Variants in ARHGEF28 observed in about 807,000 individuals in gnomAD.
ARHGEF28 encodes the protein 190 kDa guanine nucleotide exchange factor.
Under a neutral mutation model 206.6 loss-of-function variants are expected in ARHGEF28, and 152 were observed. The ratio of observed to expected loss-of-function variants is 0.74; its 90% confidence interval spans 0.64 to 0.84. The LOEUF is 0.84. ARHGEF28 is among the 40% of genes least tolerant of loss of function. The pLI, the probability that ARHGEF28 is intolerant of heterozygous loss-of-function variation, is 0.00. For missense variants in ARHGEF28, 2,028 were observed against 2,073.2 expected (o/e 0.98, Z 0.42); for synonymous variants, 763 against 776.4 (o/e 0.98, Z 0.29).
intron 1 of ARHGEF28, among the ~76,000 whole-genome samples, chr5:73,647,041 A>G (rs1162973852): frequency 6.6e-6 from 1 of 152,196 alleles, no homozygotes; most frequent in Non-Finnish European, 1.5e-5. Flanking sequence ...CAACTCAGAC[A>G]TTGTATATAC....
intron 2 of ARHGEF28, among the ~76,000 whole-genome samples, chr5:73,686,852 T>C (rs1226772423): frequency 6.6e-6 from 1 of 152,098 alleles, no homozygotes; most frequent in African/African-American, 2.4e-5. Context: ...ATTAAAAAAA[T>C]GCTGATAAGA....
intron 4 of ARHGEF28, among the ~76,000 whole-genome samples, chr5:73,762,470 AAAAAAC>A: frequency 6.6e-6 from 1 of 151,372 alleles, no homozygotes; most frequent in Non-Finnish European, 1.5e-5. Flanking sequence ...AAAAAAAAAA[AAAAAAC>A]AAAACAACAA....
intron 7 of ARHGEF28, among the ~76,000 whole-genome samples, chr5:73,789,984 T>C (rs957038454): frequency 1.3e-5 from 2 of 152,194 alleles, no homozygotes; most frequent in Admixed American, 1.3e-4. Context: ...TCAAGACTGT[T>C]GGCCACAAAA....
At chr5:73,888,777 C>T (rs1352039535) in intron 26 of ARHGEF28, among the ~76,000 whole-genome samples, 1 of 152,084 alleles carries the variant, frequency 6.6e-6, no homozygotes, top group Non-Finnish European at 1.5e-5. Context: ...CTCATATGAC[C>T]TCCTGAGGCA....
At chr5:73,658,524 C>G (rs1745372496) in intron 1 of ARHGEF28, among the ~76,000 whole-genome samples, 1 of 152,126 alleles carries the variant, frequency 6.6e-6, no homozygotes. Flanking sequence ...GATGCAGAGC[C>G]AGAAAGGAAG....
chr5:73,764,070 C>G (rs1440099901), intron 4 of ARHGEF28, among the ~76,000 whole-genome samples: 2 of 152,174 alleles, frequency 1.3e-5, no homozygotes, highest in Non-Finnish European at 2.9e-5. Context: ...CTTGACAGCC[C>G]TGTCCCATTT....
intron 2 of ARHGEF28, among the ~76,000 whole-genome samples, chr5:73,694,206 C>T (rs1748035794): frequency 6.6e-6 from 1 of 152,198 alleles, no homozygotes. Flanking sequence ...ACTGTCACAA[C>T]TGAGATGATA....
At chr5:73,888,516 A>C (rs78677647) in intron 26 of ARHGEF28, among the ~76,000 whole-genome samples, 3,959 of 152,318 alleles carry the variant, frequency 0.026, 79 homozygotes, top group Non-Finnish European at 0.038. Context: ...TGGGATGGTG[A>C]GGGCCATGTA....
intron 29 of ARHGEF28, among the ~76,000 whole-genome samples, chr5:73,897,069 A>T (rs1761999505): frequency 1.3e-5 from 2 of 152,040 alleles, no homozygotes; most frequent in Admixed American, 6.5e-5. Flanking sequence ...CTGGGACTTC[A>T]CTCTGCTGGA....
chr5:73,738,482 C>CGTGTGT (rs59149035), intron 2 of ARHGEF28, among the ~76,000 whole-genome samples: 2,597 of 145,634 alleles, frequency 0.018, 66 homozygotes, highest in African/African-American at 0.055. Context: ...AGAGTGGCCT[C>CGTGTGT]GTGTGTGTGT....
intron 10 of ARHGEF28, among the ~76,000 whole-genome samples, chr5:73,834,542 C>CTCTGTGTGTGTGTGTGTGTG (rs1455818141): frequency 6.2e-5 from 9 of 146,324 alleles, no homozygotes; most frequent in African/African-American, 2.3e-4. Context: ...AATAATATTC[C>CTCTGTGTGTGTGTGTGTGTG]TGTGTGTGTG....
chr5:73,668,124 G>A (rs537170533), intron 1 of ARHGEF28, among the ~76,000 whole-genome samples: 137 of 152,018 alleles, frequency 9.0e-4, no homozygotes, highest in South Asian at 6.7e-3. Flanking sequence ...CTCCACTTAC[G>A]GCAATCTAGG....
At chr5:73,919,832 G>T (rs575853635) in intron 35 of ARHGEF28, among the ~76,000 whole-genome samples, 2 of 152,234 alleles carry the variant, frequency 1.3e-5, no homozygotes, top group African/African-American at 4.8e-5. Flanking sequence ...GTTCAGCATC[G>T]CCAGAAAGCA....
At chr5:73,683,739 G>A (rs1747258655) in intron 1 of ARHGEF28, among the ~76,000 whole-genome samples, 1 of 151,904 alleles carries the variant, frequency 6.6e-6, no homozygotes, top group Non-Finnish European at 1.5e-5. Context: ...GGCCCTCTGT[G>A]TAAGGGAGGC....
intron 35 of ARHGEF28, among the ~76,000 whole-genome samples, chr5:73,921,583 C>T (rs959326605): frequency 6.6e-6 from 1 of 152,118 alleles, no homozygotes. Context: ...GTTTCTGAGC[C>T]TTTTGCTGAA....
Position 73,636,411 on chromosome 5 carries a change from C to T in ARHGEF28, c.-12+10089C>T, listed in dbSNP as rs908428038. Among the ~76,000 whole-genome samples, 9 of 152,064 alleles carry T rather than the reference C, an allele frequency of 5.9e-5. No homozygotes were observed. The South Asian group carries it at 8.3e-4, about 14-fold the overall frequency. Reference sequence around the variant, plus strand: ...GGATATTGTTTATTAGAGGTTTTTTCGTATTAAAAATAAAGAGTAAGTTTT... The same window carrying T: ...GGATATTGTTTATTAGAGGTTTTTTTGTATTAAAAATAAAGAGTAAGTTTT... On this transcript the variant is annotated intron_variant, in intron 1 of 35. Coordinates refer to ENST00000513042, the MANE Select transcript of ARHGEF28 (RefSeq NM_001177693.2).
At chr5:73,705,177 A>T (rs1016511259) in intron 2 of ARHGEF28, among the ~76,000 whole-genome samples, 3 of 152,220 alleles carry the variant, frequency 2.0e-5, no homozygotes, top group Non-Finnish European at 4.4e-5. Context: ...AAGCATTTAA[A>T]ACAGAAGTGG....
intron 10 of ARHGEF28, among the ~76,000 whole-genome samples, chr5:73,834,785 AATAGGCTATACCAT>A (rs1417397906): frequency 6.6e-6 from 1 of 152,170 alleles, no homozygotes; most frequent in East Asian, 1.9e-4. Context: ...GCTTAGGAGA[AATAGGCTATACCAT>A]ATAGCCTAGG....
At chr5:73,720,219 T>G (rs1749855595) in intron 2 of ARHGEF28, among the ~76,000 whole-genome samples, 1 of 152,200 alleles carries the variant, frequency 6.6e-6, no homozygotes, top group South Asian at 2.1e-4. Context: ...TGAATAATCA[T>G]TGTATTTTAC....
Sources: gnomAD v4.1 joint callset for allele counts (sites outside exome capture counted in the v4.1 genomes callset) on GRCh38, gnomAD v4.1.1 for gene constraint, MANE v1.5 for transcripts, NCBI Gene and HGNC (gene_info 2026-07-23, HGNC 2026-07-21) for gene names.